The following MALRD1 variants were observed in gnomAD, a reference collection of about 807,000 sequenced individuals.
The protein encoded by MALRD1 is MAM and LDL receptor class A domain containing 1.
In MALRD1, 247 loss-of-function variants were observed where a neutral mutation model predicts 242.1. That is an observed-to-expected ratio of 1.02 (90% confidence interval 0.92 to 1.13). The LOEUF (loss-of-function observed/expected upper bound fraction) is 1.13. Among genes scored for constraint, MALRD1 ranks in the 50% most tolerant of loss-of-function variants. MALRD1 has a pLI of 0.00. For missense variants in MALRD1, 2,989 were observed against 2,533.1 expected (o/e 1.18, Z -3.86); for synonymous variants, 995 against 866.6 (o/e 1.15, Z -2.60).
At chr10:19,134,538 T>A (rs1833253253) in intron 9 of MALRD1, among the ~76,000 whole-genome samples, 1 of 147,896 alleles carries the variant, frequency 6.8e-6, no homozygotes, top group South Asian at 2.1e-4. Context: ...ATGGAATGTG[T>A]AAGTTTATTT....
chr10:19,454,712 G>A (rs941983177), intron 29 of MALRD1, among the ~76,000 whole-genome samples: 13 of 85,262 alleles, frequency 1.5e-4, no homozygotes, highest in East Asian at 6.3e-4. Flanking sequence ...CCGTGCACAC[G>A]TACACACACA....
At chr10:19,597,837 G>A (rs1253136125) in intron 34 of MALRD1, among the ~76,000 whole-genome samples, 5 of 152,178 alleles carry the variant, frequency 3.3e-5, no homozygotes, top group Non-Finnish European at 7.3e-5. Context: ...CAAGAGTAGT[G>A]ATTACACAGC....
At position 19,481,384 on chromosome 10, in the gene MALRD1, G is replaced by A. The variant is rs933955647; in HGVS notation, c.5030-10133G>A. On this transcript the variant is annotated intron_variant, in intron 29 of 39. Coordinates refer to ENST00000454679, the MANE Select transcript of MALRD1 (RefSeq NM_001142308.3). ...TAGACTTAAATTATCATGGTGAATC[G>A]AAAATATTCTATTATGTGTATGTTC... Among the ~76,000 whole-genome samples the A allele has an allele frequency of 6.6e-5, 10 of 152,238 alleles. No individual in the cohort carries two copies. The East Asian group carries it at 1.2e-3, about 18-fold the overall frequency.
At chr10:19,707,187 CTCCTCCTTCTCT>C (rs1193727775) in intron 38 of MALRD1, among the ~76,000 whole-genome samples, 6 of 151,660 alleles carry the variant, frequency 4.0e-5, no homozygotes, top group Non-Finnish European at 8.8e-5. Context: ...CCTCTGCCTC[CTCCTCCTTCTCT>C]TCCTCCTTCT....
chr10:19,247,204 G>A (rs1456062596), intron 18 of MALRD1, among the ~76,000 whole-genome samples: 1 of 152,070 alleles, frequency 6.6e-6, no homozygotes. Context: ...CTTGTTGGTT[G>A]TACTACTGCC....
chr10:19,674,773 T>G (rs748553017), intron 36 of MALRD1, among the ~76,000 whole-genome samples: 105 of 152,210 alleles, frequency 6.9e-4, no homozygotes, highest in Non-Finnish European at 1.3e-3. Context: ...TTCTTCACCT[T>G]AAAACAAGAC....
At chr10:19,716,527 CG>C (rs1834398234) in intron 38 of MALRD1, among the ~76,000 whole-genome samples, 2 of 152,192 alleles carry the variant, frequency 1.3e-5, no homozygotes, top group South Asian at 4.1e-4. Context: ...GTATAGCCTG[CG>C]GAACTGTGAG....
chr10:19,486,255 A>T (rs1257896987), intron 29 of MALRD1, among the ~76,000 whole-genome samples: 1 of 152,216 alleles, frequency 6.6e-6, no homozygotes, highest in African/African-American at 2.4e-5. Context: ...TACTTCACAG[A>T]CCAACATACC....
chr10:19,293,809 G>A (rs1201560466), intron 21 of MALRD1, among the ~76,000 whole-genome samples: 3 of 152,126 alleles, frequency 2.0e-5, no homozygotes, highest in Non-Finnish European at 2.9e-5. Context: ...GGGTACCAGC[G>A]TTATTACCTG....
chr10:19,578,698 C>T (rs1162228882), intron 33 of MALRD1, among the ~76,000 whole-genome samples: 2 of 148,770 alleles, frequency 1.3e-5, no homozygotes, highest in South Asian at 2.1e-4. Flanking sequence ...AAGCTCATGG[C>T]TGGGTTTTTT....
rs190247408 is a variant in MALRD1, at chr10:19,467,981, A to G, written c.5029+17491A>G. Among the ~76,000 whole-genome samples, 13 of 152,084 alleles carry G rather than the reference A, an allele frequency of 8.5e-5. No individual in the cohort carries two copies. In the East Asian group the frequency reaches 2.5e-3, roughly 29 times the overall value. On this transcript the variant is annotated intron_variant, in intron 29 of 39. Coordinates refer to ENST00000454679, the MANE Select transcript of MALRD1 (RefSeq NM_001142308.3). ...GCTAATTTTTGTATGTTTAGTAGAG[A>G]CTGGGTTTCTCCATGTTGGCCAGAC... is the stretch of plus-strand genomic sequence containing the variant.
intron 38 of MALRD1, among the ~76,000 whole-genome samples, chr10:19,720,456 C>G (rs931866970): frequency 1.3e-5 from 2 of 152,194 alleles, no homozygotes; most frequent in South Asian, 2.1e-4. Context: ...AGAAGTGCTT[C>G]TAAGCATCTG....
At chr10:19,439,537 CA>C (rs11353528) in intron 28 of MALRD1, among the ~76,000 whole-genome samples, 107,635 of 150,554 alleles carry the variant, frequency 0.71, 38,504 homozygotes, top group Non-Finnish European at 0.75. Flanking sequence ...GACCCTGTCT[CA>C]AAAAAAAAGT....
intron 38 of MALRD1, among the ~76,000 whole-genome samples, chr10:19,696,658 G>C (rs1273888976): frequency 1.3e-5 from 2 of 151,964 alleles, no homozygotes; most frequent in Non-Finnish European, 1.5e-5. Context: ...TGTAATCCCA[G>C]CACTTTGGGA....
At chr10:19,478,720 T>G (rs1836853795) in intron 29 of MALRD1, among the ~76,000 whole-genome samples, 1 of 152,200 alleles carries the variant, frequency 6.6e-6, no homozygotes, top group African/African-American at 2.4e-5. Context: ...TTTCATCACG[T>G]ACCATGGGCC....
At chr10:19,694,415 T>C (rs1038092171) in intron 38 of MALRD1, among the ~76,000 whole-genome samples, 1 of 152,152 alleles carries the variant, frequency 6.6e-6, no homozygotes, top group Non-Finnish European at 1.5e-5. Flanking sequence ...GGGCGAAGGA[T>C]ATGAACAGAC....
intron 28 of MALRD1, among the ~76,000 whole-genome samples, chr10:19,413,613 C>T (rs1008812464): frequency 6.6e-6 from 1 of 151,682 alleles, no homozygotes; most frequent in South Asian, 2.1e-4. Context: ...CCAATCTTTT[C>T]CACCCATTTA....
In MALRD1 at chr10:19,204,926, G is replaced by T; in HGVS notation, c.2239G>T (p.Ala747Ser). ...WFYNYGLSVG[A>S]AELQLHMENS... is the part of the protein sequence containing the mutation. Reference sequence around the variant, plus strand: ...CTATAACTATGGCCTGTCAGTGGGAGCAGCTGAGCTGCAGCTACATATGGA... The same window carrying T: ...CTATAACTATGGCCTGTCAGTGGGATCAGCTGAGCTGCAGCTACATATGGA... Residue 747 changes from alanine (A) to serine (S), a missense_variant, in exon 17 of 40, where the codon GCA becomes TCA. By Grantham distance (99) the Ala-to-Ser change is moderately conservative (BLOSUM62 1). Coordinates refer to ENST00000454679, the MANE Select transcript of MALRD1 (RefSeq NM_001142308.3). 1 of 1,549,586 alleles carries T rather than the reference G, an allele frequency of 6.5e-7. No individual in the cohort carries two copies. Among genetic ancestry groups the T allele is most frequent in the African/African-American group, 1.4e-5 (1 of 73,114 alleles).
chr10:19,729,083 C>T (rs1271046107), intron 38 of MALRD1, among the ~76,000 whole-genome samples: 3 of 152,138 alleles, frequency 2.0e-5, no homozygotes, highest in African/African-American at 7.2e-5. Context: ...GAGGGTGAAA[C>T]ATTTAATCTA....
Sources: allele counts gnomAD v4.1 joint callset (sites outside exome capture counted in the v4.1 genomes callset), GRCh38; gene constraint gnomAD v4.1.1; transcripts MANE v1.5; gene names NCBI Gene and HGNC (gene_info 2026-07-23, HGNC 2026-07-21).